Variants in B3GALT1 observed in about 807,000 individuals in gnomAD.
B3GALT1 encodes the protein UDP-Gal:betaGlcNAc beta 1,3-galactosyltransferase, polypeptide 1.
In B3GALT1, 10 loss-of-function variants were observed where a neutral mutation model predicts 23.2. The observed-to-expected ratio is 0.43, with a 90% CI of 0.27 to 0.73. The LOEUF is 0.73. Among genes scored for constraint, B3GALT1 ranks in the 30% least tolerant of loss-of-function variants. The pLI is 0.21. For synonymous variants in B3GALT1, 156 were observed against 141.5 expected, an observed-to-expected ratio of 1.10 and a Z score of -0.73; for missense variants, 299 against 405.4, an observed-to-expected ratio of 0.74 and a Z score of 2.25.
chr2:167,602,913 G>A (rs1684900162), intron 2 of B3GALT1, among the ~76,000 whole-genome samples: 1 of 152,050 alleles, frequency 6.6e-6, no homozygotes, highest in South Asian at 2.1e-4. Context: ...AGCACCCCTT[G>A]TATAATATTT....
At chr2:167,622,647 A>G (rs1478776719) in intron 2 of B3GALT1, among the ~76,000 whole-genome samples, 1 of 152,162 alleles carries the variant, frequency 6.6e-6, no homozygotes, top group Admixed American at 6.6e-5. Flanking sequence ...TGTAAGATAC[A>G]CATATTTGTA....
intron 2 of B3GALT1, among the ~76,000 whole-genome samples, chr2:167,554,750 T>C (rs1297580579): frequency 6.6e-6 from 1 of 152,212 alleles, no homozygotes; most frequent in Non-Finnish European, 1.5e-5. Flanking sequence ...ATCCAAAATT[T>C]AAGACTAAAT....
At chr2:167,861,376 A>G (rs1690096103) in intron 4 of B3GALT1, among the ~76,000 whole-genome samples, 1 of 152,228 alleles carries the variant, frequency 6.6e-6, no homozygotes, top group Admixed American at 6.5e-5. Context: ...TACTGTAGCT[A>G]TAGCAAACTA....
intron 2 of B3GALT1, among the ~76,000 whole-genome samples, chr2:167,580,486 G>A (rs1684463556): frequency 6.6e-6 from 1 of 151,898 alleles, no homozygotes; most frequent in African/African-American, 2.4e-5. Context: ...CCCAGCCTTG[G>A]GACTTTAAGG....
chr2:167,489,200 C>G (rs1356351304), intron 1 of B3GALT1, among the ~76,000 whole-genome samples: 3 of 152,118 alleles, frequency 2.0e-5, no homozygotes, highest in Non-Finnish European at 4.4e-5. Context: ...GGTAACTCAG[C>G]CTGGGCTTTC....
chr2:167,521,904 T>C (rs1700192023), intron 2 of B3GALT1, among the ~76,000 whole-genome samples: 1 of 150,382 alleles, frequency 6.6e-6, no homozygotes, highest in South Asian at 2.1e-4. Context: ...TAGAAAGATA[T>C]ATTGTAGACA....
intron 3 of B3GALT1, among the ~76,000 whole-genome samples, chr2:167,799,200 T>C (rs1688593849): frequency 6.6e-6 from 1 of 152,180 alleles, no homozygotes; most frequent in South Asian, 2.1e-4. Flanking sequence ...ATTTTTGTAT[T>C]TCAATAGCTT....
intron 4 of B3GALT1, among the ~76,000 whole-genome samples, chr2:167,854,570 C>T (rs1449681049): frequency 6.6e-6 from 1 of 152,134 alleles, no homozygotes. Flanking sequence ...CTGGAACATC[C>T]AAATAACCAG....
intron 1 of B3GALT1, among the ~76,000 whole-genome samples, chr2:167,450,090 G>A (rs540576386): frequency 6.6e-5 from 10 of 152,142 alleles, no homozygotes; most frequent in African/African-American, 2.4e-4. Flanking sequence ...TTGGCATTAG[G>A]GTGTTACCAG....
intron 1 of B3GALT1, among the ~76,000 whole-genome samples, chr2:167,339,966 G>A (rs952039231): frequency 2.6e-5 from 4 of 152,070 alleles, no homozygotes; most frequent in African/African-American, 9.7e-5. Flanking sequence ...TTGGGCTGGA[G>A]AAACAAAAAT....
chr2:167,364,322 T>A (rs962630408), intron 1 of B3GALT1, among the ~76,000 whole-genome samples: 30 of 140,000 alleles, frequency 2.1e-4, no homozygotes, highest in African/African-American at 6.3e-4. Flanking sequence ...CTCATACTGT[T>A]TTCATATATA....
At chr2:167,594,354 A>G (rs1255160023) in intron 2 of B3GALT1, among the ~76,000 whole-genome samples, 2 of 152,142 alleles carry the variant, frequency 1.3e-5, no homozygotes, top group African/African-American at 4.8e-5. Context: ...TAATGTCAGG[A>G]TGGCACCATT....
At chr2:167,812,979 G>GCAC (rs901281983) in intron 3 of B3GALT1, among the ~76,000 whole-genome samples, 2 of 104,868 alleles carry the variant, frequency 1.9e-5, no homozygotes, top group African/African-American at 3.7e-5. Flanking sequence ...ACACACACAC[G>GCAC]CACCACCACC....
chr2:167,470,270 G>C (rs941655651), intron 1 of B3GALT1, among the ~76,000 whole-genome samples: 2 of 152,082 alleles, frequency 1.3e-5, no homozygotes, highest in Admixed American at 6.6e-5. Flanking sequence ...ATTTTCTACT[G>C]TCAGATCATT....
chr2:167,463,236 G>T (rs1438788248), intron 1 of B3GALT1, among the ~76,000 whole-genome samples: 1 of 151,614 alleles, frequency 6.6e-6, no homozygotes, highest in Non-Finnish European at 1.5e-5. Context: ...GATCTATAAG[G>T]GCAGAATCTT....
chr2:167,850,235 A>T (rs1200083569), intron 4 of B3GALT1, among the ~76,000 whole-genome samples: 1 of 152,242 alleles, frequency 6.6e-6, no homozygotes, highest in Admixed American at 6.5e-5. Context: ...TGGGCTTAGG[A>T]CATGCATAGA....
chr2:167,580,378 C>G (rs563150226), intron 2 of B3GALT1, among the ~76,000 whole-genome samples: 1 of 152,254 alleles, frequency 6.6e-6, no homozygotes, highest in South Asian at 2.1e-4. Flanking sequence ...TAACTTGGCA[C>G]TTAACTGCTC....
intron 4 of B3GALT1, chr2:167,862,573 C>G (rs1020777720): frequency 2.3e-4 from 35 of 152,210 alleles, no homozygotes; most frequent in African/African-American, 8.4e-4. Context: ...CAGCAGCTAT[C>G]TGGGCACCCC....
chr2:167,699,838 G>T (rs1686850670), intron 3 of B3GALT1, among the ~76,000 whole-genome samples: 1 of 152,020 alleles, frequency 6.6e-6, no homozygotes, highest in African/African-American at 2.4e-5. Context: ...TCAGCCTACT[G>T]AGTAGTTGGG....
Sources: allele counts gnomAD v4.1 joint callset (sites outside exome capture counted in the v4.1 genomes callset), GRCh38; gene constraint gnomAD v4.1.1; transcripts MANE v1.5; gene names NCBI Gene and HGNC (gene_info 2026-07-23, HGNC 2026-07-21).